The following ASB3 variants were observed in gnomAD, a reference collection of about 807,000 sequenced individuals.
ASB3 encodes ankyrin repeat and SOCS box containing 3.
ASB3 carries 41 observed loss-of-function variants against 54.5 expected under a neutral mutation model. The ratio of observed to expected loss-of-function variants is 0.75; its 90% CI spans 0.59 to 0.98. The LOEUF is 0.98. Among genes scored for constraint, ASB3 ranks in the 50% least tolerant of loss-of-function variants. The pLI is 0.00. For synonymous variants in ASB3, 266 were observed against 221.2 expected (o/e 1.20, Z -1.80); for missense variants, 733 against 620.0 (o/e 1.18, Z -1.94).
rs115933163 is a variant in ASB3 at position 53,766,788 on chromosome 2, C to T, written c.-13-1203G>A. Among the ~76,000 whole-genome samples the T allele has an allele frequency of 9.5e-3, 1,402 of 148,128 alleles. 24 individuals are homozygous for T. Among genetic ancestry groups the T allele is most frequent in the African/African-American group, 0.033 (1,328 of 40,438 alleles). On this transcript the variant is annotated intron_variant, in intron 1 of 9. Coordinates refer to ENST00000263634, the MANE Select transcript of ASB3 (RefSeq NM_016115.5). The stretch of plus-strand genomic sequence containing the variant: ...CTTAGAGAAAATAGGAAAAGACTTG[C>T]TTTTTTTTTTGTTTGTTTGTCTGGT...
intron 1 of ASB3, among the ~76,000 whole-genome samples, chr2:53,779,375 C>G (rs2104208173): frequency 6.6e-6 from 1 of 152,256 alleles, no homozygotes; most frequent in Non-Finnish European, 1.5e-5. Context: ...CAACTATTCT[C>G]TAACAAGCAA....
At chr2:53,745,012 T>C (rs1281979988) in intron 3 of ASB3, among the ~76,000 whole-genome samples, 1 of 152,236 alleles carries the variant, frequency 6.6e-6, no homozygotes, top group Non-Finnish European at 1.5e-5. Flanking sequence ...GCAGTTCCCA[T>C]GGAGTGTCCT....
chr2:53,673,442 A>G (rs2103624083), intron 9 of ASB3, among the ~76,000 whole-genome samples: 1 of 152,336 alleles, frequency 6.6e-6, no homozygotes, highest in South Asian at 2.1e-4. Context: ...AACTTAATGT[A>G]GTGCTGACCA....
chr2:53,778,151 A>G (rs1311031872), intron 1 of ASB3, among the ~76,000 whole-genome samples: 1 of 95,944 alleles, frequency 1.0e-5, no homozygotes, highest in Non-Finnish European at 1.9e-5. Flanking sequence ...TCTTGTCTCA[A>G]AAAAAAAAAA....
intron 8 of ASB3, among the ~76,000 whole-genome samples, chr2:53,696,546 G>C (rs541786664): frequency 6.6e-6 from 1 of 152,238 alleles, no homozygotes; most frequent in East Asian, 1.9e-4. Flanking sequence ...CCCTGCTTAG[G>C]TTTTTCCTAA....
chr2:53,715,695 T>C (rs183615897), intron 6 of ASB3, among the ~76,000 whole-genome samples: 1 of 152,038 alleles, frequency 6.6e-6, no homozygotes, highest in Non-Finnish European at 1.5e-5. Context: ...TTTAAGTAGG[T>C]GGGAAAAATT....
chr2:53,697,734 A>G (rs1222291012), intron 8 of ASB3, among the ~76,000 whole-genome samples: 1 of 152,216 alleles, frequency 6.6e-6, no homozygotes. Flanking sequence ...CCAAAATTCA[A>G]GAGGATTACC....
chr2:53,711,477 G>A (rs1572887804), intron 7 of ASB3, among the ~76,000 whole-genome samples: 1 of 152,166 alleles, frequency 6.6e-6, no homozygotes, highest in African/African-American at 2.4e-5. Context: ...TTGGCCCTCA[G>A]GGCAACACAG....
chr2:53,783,705 G>C (rs999213114), intron 1 of ASB3, among the ~76,000 whole-genome samples: 1 of 152,162 alleles, frequency 6.6e-6, no homozygotes, highest in African/African-American at 2.4e-5. Flanking sequence ...TCAGAGTTTT[G>C]AAGAAAACAA....
intron 3 of ASB3, among the ~76,000 whole-genome samples, chr2:53,746,485 CTT>C (rs371241627): frequency 5.0e-5 from 7 of 138,980 alleles, no homozygotes; most frequent in Admixed American, 1.4e-4. Flanking sequence ...GGGGTTTTTT[CTT>C]TTTTTTTTTT....
At chr2:53,699,551 A>G (rs1669370115) in intron 8 of ASB3, among the ~76,000 whole-genome samples, 1 of 152,244 alleles carries the variant, frequency 6.6e-6, no homozygotes, top group Admixed American at 6.5e-5. Context: ...ACGAAAGTGA[A>G]GACTTCTAGA....
intron 3 of ASB3, among the ~76,000 whole-genome samples, chr2:53,733,162 G>C (rs1205030849): frequency 6.6e-6 from 1 of 152,164 alleles, no homozygotes; most frequent in Non-Finnish European, 1.5e-5. Context: ...GATGAAATGG[G>C]AAGGATAGAG....
chr2:53,699,767 T>C (rs1373758614), intron 8 of ASB3, among the ~76,000 whole-genome samples: 10 of 152,182 alleles, frequency 6.6e-5, no homozygotes, highest in Non-Finnish European at 1.5e-4. Context: ...ACTCGGCGTT[T>C]GTATAATCTC....
chr2:53,765,583 A>C lies in ASB3; in HGVS notation c.-11T>G. The stretch of plus-strand genomic sequence containing the variant: ...CTCTGTAAAATCCATTTGTTTGACC[A>C]GTCTACAAAACAAGGTAGAAGGATA... On this transcript the variant is annotated splice_region_variant and 5_prime_UTR_variant, in exon 2 of 10. Transcript: ENST00000263634. The C allele has an allele frequency of 1.2e-6, 2 of 1,614,222 alleles. No individual in the cohort carries two copies. The highest frequency in any genetic ancestry group is 1.1e-5 in the South Asian group (1 of 91,078).
chr2:53,774,223 G>A, intron 1 of ASB3: 1 of 1,614,034 alleles, frequency 6.2e-7, no homozygotes, highest in Non-Finnish European at 8.5e-7. Context: ...CAGAGAAAAA[G>A]GAGGCTACAG....
chr2:53,677,111 A>C (rs180890385), intron 9 of ASB3, among the ~76,000 whole-genome samples: 30 of 152,316 alleles, frequency 2.0e-4, no homozygotes, highest in Admixed American at 1.2e-3. Flanking sequence ...TTAGAAACAC[A>C]AATACTTACC....
chr2:53,697,718 G>A (rs1289131895), intron 8 of ASB3, among the ~76,000 whole-genome samples: 1 of 152,168 alleles, frequency 6.6e-6, no homozygotes, highest in African/African-American at 2.4e-5. Flanking sequence ...TAGGACCCAA[G>A]TAAGTCCAAA....
intron 3 of ASB3, among the ~76,000 whole-genome samples, chr2:53,738,778 A>T (rs1671779747): frequency 6.6e-6 from 1 of 152,226 alleles, no homozygotes; most frequent in Non-Finnish European, 1.5e-5. Flanking sequence ...AGAAAGAAAA[A>T]GAAAGCAGAA....
chr2:53,734,942 T>C (rs1671536555), intron 3 of ASB3, among the ~76,000 whole-genome samples: 1 of 144,660 alleles, frequency 6.9e-6, no homozygotes, highest in African/African-American at 2.6e-5. Flanking sequence ...TTTTTTGAGA[T>C]GGAGTCTTGC....
Sources: gnomAD v4.1 joint callset for allele counts (sites outside exome capture counted in the v4.1 genomes callset) on GRCh38, gnomAD v4.1.1 for gene constraint, MANE v1.5 for transcripts, NCBI Gene and HGNC (gene_info 2026-07-23, HGNC 2026-07-21) for gene names.